The following NCKAP5 variants were observed in gnomAD, a reference collection of about 807,000 sequenced individuals.
NCKAP5 encodes the protein nck-associated protein 5.
A neutral mutation model predicts 167.0 loss-of-function variants in NCKAP5; 92 were observed. That is an observed-to-expected ratio of 0.55 (90% CI 0.47 to 0.66). The LOEUF (loss-of-function observed/expected upper bound fraction) is 0.66. Ranked by LOEUF, NCKAP5 falls within the 30% of genes least tolerant of loss-of-function variation. The probability of loss-of-function intolerance (pLI) is 0.00; values close to 1 mark genes in which losing one functional copy is unlikely to be tolerated. For missense variants in NCKAP5, 2,378 were observed against 2,315.0 expected (o/e 1.03, Z -0.56); for synonymous variants, 891 against 877.4 (o/e 1.02, Z -0.27).
chr2:133,265,693 G>A lies in NCKAP5; in HGVS notation c.143+37344C>T, dbSNP rs961358487. Reference sequence around the variant, plus strand: ...ACAAGGTCAGGGATCTCCCCTACACGCGCAAGGGAGGCAGTGCGGAGGGTG... The same window carrying A: ...ACAAGGTCAGGGATCTCCCCTACACACGCAAGGGAGGCAGTGCGGAGGGTG... On this transcript the variant is annotated intron_variant, in intron 4 of 19. Coordinates refer to ENST00000409261, the MANE Select transcript of NCKAP5 (RefSeq NM_207363.3). Among the ~76,000 whole-genome samples, 4 of 152,202 alleles carry A rather than the reference G, an allele frequency of 2.6e-5. No homozygotes were observed. The East Asian group carries it at 5.8e-4, about 22-fold the overall frequency.
At chr2:132,844,031 T>A (rs1688488432) in intron 11 of NCKAP5, among the ~76,000 whole-genome samples, 1 of 149,640 alleles carries the variant, frequency 6.7e-6, no homozygotes, top group South Asian at 2.1e-4. Flanking sequence ...GGAACACTTT[T>A]ACCCTTCTCC....
intron 3 of NCKAP5, among the ~76,000 whole-genome samples, chr2:133,327,363 T>C (rs960922924): frequency 8.5e-5 from 13 of 152,224 alleles, no homozygotes; most frequent in African/African-American, 3.1e-4. Context: ...CTTCTCTCTA[T>C]GCAGTTAGGT....
intron 6 of NCKAP5, among the ~76,000 whole-genome samples, chr2:133,007,324 T>C (rs553793274): frequency 6.6e-6 from 1 of 152,342 alleles, no homozygotes; most frequent in Non-Finnish European, 1.5e-5. Flanking sequence ...GCTATCTGAA[T>C]TGTAAACCTT....
At chr2:132,827,770 C>A (rs1203738826) in intron 11 of NCKAP5, among the ~76,000 whole-genome samples, 1 of 152,118 alleles carries the variant, frequency 6.6e-6, no homozygotes, top group Non-Finnish European at 1.5e-5. Context: ...TTTCTCATGG[C>A]CTTGATTTCC....
chr2:133,610,654 G>C, the NCKAP5 span, among the ~76,000 whole-genome samples: 1 of 151,998 alleles, frequency 6.6e-6, no homozygotes, highest in Non-Finnish European at 1.5e-5. Flanking sequence ...CTCCAAAACA[G>C]ACTAACATTA....
chr2:133,078,526 GA>G (rs2080690601), intron 6 of NCKAP5, among the ~76,000 whole-genome samples: 2 of 152,138 alleles, frequency 1.3e-5, no homozygotes, highest in Non-Finnish European at 2.9e-5. Context: ...AGTTGGGGAG[GA>G]AGGGAAATAC....
intron 6 of NCKAP5, among the ~76,000 whole-genome samples, chr2:133,046,049 G>T (rs554039351): frequency 3.3e-5 from 5 of 152,196 alleles, no homozygotes; most frequent in African/African-American, 4.8e-5. Context: ...GACGGAGCAG[G>T]TTGGTGAGAA....
At chr2:132,750,111 T>C (rs933041310) in intron 16 of NCKAP5, among the ~76,000 whole-genome samples, 2 of 152,208 alleles carry the variant, frequency 1.3e-5, no homozygotes, top group African/African-American at 4.8e-5. Context: ...TAGGGTGCAT[T>C]ATCTTGATTT....
chr2:132,971,598 G>T (rs1238336228), intron 7 of NCKAP5, among the ~76,000 whole-genome samples: 1 of 152,182 alleles, frequency 6.6e-6, no homozygotes, highest in Non-Finnish European at 1.5e-5. Flanking sequence ...ACAAGATGCT[G>T]CTGCAATAGG....
At chr2:132,932,262 G>A (rs1696436677) in intron 8 of NCKAP5, among the ~76,000 whole-genome samples, 1 of 152,022 alleles carries the variant, frequency 6.6e-6, no homozygotes, top group Admixed American at 6.5e-5. Flanking sequence ...CAGATTTTTG[G>A]TAAGTATTAT....
intron 3 of NCKAP5, among the ~76,000 whole-genome samples, chr2:133,465,138 C>A (rs918185056): frequency 6.8e-6 from 1 of 147,640 alleles, no homozygotes; most frequent in African/African-American, 2.5e-5. Context: ...AGGTGTATCT[C>A]CCAGTGCTAT....
At chr2:133,245,339 C>T (rs555913590) in intron 4 of NCKAP5, among the ~76,000 whole-genome samples, 19 of 151,928 alleles carry the variant, frequency 1.3e-4, no homozygotes, top group African/African-American at 2.7e-4. Context: ...GTAAGTATCA[C>T]GAATACAATA....
At chr2:133,498,472 AAGGAAGGAAGGCAGGC>A (rs1300365443) in intron 3 of NCKAP5, among the ~76,000 whole-genome samples, 2 of 122,634 alleles carry the variant, frequency 1.6e-5, no homozygotes, top group African/African-American at 7.6e-5. Context: ...GGAAGGAAGG[AAGGAAGGAAGGCAGGC>A]AGGCAGGCAG....
chr2:132,920,396 C>G (rs1363593426), intron 8 of NCKAP5, among the ~76,000 whole-genome samples: 1 of 151,764 alleles, frequency 6.6e-6, no homozygotes, highest in Non-Finnish European at 1.5e-5. Context: ...CCATCCTACA[C>G]CATGTGTTGA....
chr2:133,073,193 G>A (rs989480115), intron 6 of NCKAP5, among the ~76,000 whole-genome samples: 2 of 152,042 alleles, frequency 1.3e-5, no homozygotes, highest in African/African-American at 4.8e-5. Context: ...AAAAGAAAAC[G>A]GGGTGTCTGT....
the NCKAP5 span, among the ~76,000 whole-genome samples, chr2:133,651,356 A>G: frequency 6.6e-6 from 1 of 152,232 alleles, no homozygotes; most frequent in African/African-American, 2.4e-5. Context: ...ACTTGGATAG[A>G]CATTTCTCCA....
intron 8 of NCKAP5, among the ~76,000 whole-genome samples, chr2:132,929,474 T>A (rs765401504): frequency 1.8e-4 from 28 of 152,218 alleles, no homozygotes; most frequent in Non-Finnish European, 3.7e-4. Flanking sequence ...AAAAATATAC[T>A]GTTAAAATTG....
chr2:133,014,345 A>C (rs928380430), intron 6 of NCKAP5, among the ~76,000 whole-genome samples: 1 of 152,206 alleles, frequency 6.6e-6, no homozygotes, highest in African/African-American at 2.4e-5. Flanking sequence ...CCCTCGTAGA[A>C]TGTGACTCCC....
At chr2:132,837,780 C>T (rs1219659115) in intron 11 of NCKAP5, among the ~76,000 whole-genome samples, 4 of 152,192 alleles carry the variant, frequency 2.6e-5, no homozygotes, top group Non-Finnish European at 4.4e-5. Context: ...AGGGCTTGTT[C>T]CTGGCTGGAC....
Sources: gnomAD v4.1 joint callset for allele counts (sites outside exome capture counted in the v4.1 genomes callset) on GRCh38, gnomAD v4.1.1 for gene constraint, MANE v1.5 for transcripts, NCBI Gene and HGNC (gene_info 2026-07-23, HGNC 2026-07-21) for gene names.